Variants in IGLON5 observed in about 807,000 individuals in gnomAD.
IGLON5 encodes the protein Ig-like domain-containing protein ENSP00000270642.
In IGLON5, 16 loss-of-function variants were observed where a neutral mutation model predicts 38.2. That is an observed-to-expected ratio of 0.42 (90% CI 0.28 to 0.64). The LOEUF (loss-of-function observed/expected upper bound fraction) is 0.64, where lower values mean the gene tolerates loss of function less well. Among genes scored for constraint, IGLON5 ranks in the 30% least tolerant of loss-of-function variants. The pLI is 0.23. For synonymous variants in IGLON5, 207 were observed against 216.4 expected (o/e 0.96, Z 0.38); for missense variants, 366 against 483.4 (o/e 0.76, Z 2.28).
rs774211386 is a variant in IGLON5 at position 51,323,930 on chromosome 19, G to A, written c.391+36G>A. 2.0e-5 allele frequency: 29 copies of A among 1,455,878 alleles called. No individual in the cohort carries two copies. The East Asian group carries it at 6.4e-4, about 32-fold the overall frequency. 90.2% of individuals were successfully genotyped at this position (1,455,878 alleles called of 1,614,324 possible). A position where few individuals can be genotyped will look rare whatever the true frequency, so the allele number is the denominator to read the frequency against. On this transcript the variant is annotated intron_variant, in intron 3 of 7. Transcript: ENST00000270642. The stretch of plus-strand genomic sequence containing the variant: ...GGCCGGGGCCTGGCTGGGTGGAGGG[G>A]TTGAGAGCGTGGGGGAGACTAGGCA...
intron 1 of IGLON5, among the ~76,000 whole-genome samples, chr19:51,316,192 A>T (rs1289274950): frequency 6.6e-6 from 1 of 151,484 alleles, no homozygotes; most frequent in African/African-American, 2.4e-5. Context: ...CAAAAAAAAA[A>T]AAAAAAGCCA....
At chr19:51,312,158 C>T (rs2123506441) in intron 1 of IGLON5, among the ~76,000 whole-genome samples, 1 of 152,176 alleles carries the variant, frequency 6.6e-6, no homozygotes, top group African/African-American at 2.4e-5. Flanking sequence ...GGGCCGGAGC[C>T]GGGTCTAGGG....
chr19:51,316,498 C>CT (rs542147400), intron 1 of IGLON5, among the ~76,000 whole-genome samples: 11,793 of 136,010 alleles, frequency 0.087, 711 homozygotes, highest in East Asian at 0.24. Flanking sequence ...CTTTTCTTTT[C>CT]TTTTTTTTTT....
chr19:51,319,207 G>T (rs545539385), intron 1 of IGLON5, among the ~76,000 whole-genome samples: 21 of 152,098 alleles, frequency 1.4e-4, no homozygotes, highest in Non-Finnish European at 2.9e-4. Flanking sequence ...AAGGGATCTT[G>T]GTGCGTACAT....
rs60865738 is a variant in IGLON5 at position 51,325,341 on chromosome 19, C to T, written c.392-5C>T. 0.15 allele frequency: 242,538 copies of T among 1,612,488 alleles called. 21,362 individuals are homozygous for T. Among genetic ancestry groups the T allele is most frequent in the Admixed American group, 0.39 (23,341 of 59,684 alleles). ...TCCATATTCAGCCTCTGCCGCTGCC[C>T]GCAGTCCCTGCCCGCATTGTGAACA... is the stretch of plus-strand genomic sequence containing the variant. On this transcript the variant is annotated splice_polypyrimidine_tract_variant and splice_region_variant and intron_variant, in intron 3 of 7. Transcript: ENST00000270642. This position sits in a 1 kb window ranked among gnomAD's most constrained non-coding sequence, Gnocchi z 5.5.
At chr19:51,321,692 ATGTG>A (rs1307554766) in intron 1 of IGLON5, among the ~76,000 whole-genome samples, 1 of 151,980 alleles carries the variant, frequency 6.6e-6, no homozygotes, top group African/African-American at 2.4e-5. Context: ...GTGTATCTGT[ATGTG>A]TGTGTTTGTG....
intron 1 of IGLON5, among the ~76,000 whole-genome samples, chr19:51,316,713 C>T (rs970643153): frequency 2.0e-5 from 3 of 151,970 alleles, no homozygotes; most frequent in Admixed American, 6.5e-5. Context: ...AGGCTAGTCT[C>T]GAACTCCTGA....
intron 1 of IGLON5, among the ~76,000 whole-genome samples, chr19:51,320,715 T>C (rs1317793850): frequency 6.6e-6 from 1 of 152,188 alleles, no homozygotes; most frequent in Non-Finnish European, 1.5e-5. Flanking sequence ...GTGATGGATG[T>C]GTGTCTGAGA....
intron 1 of IGLON5, among the ~76,000 whole-genome samples, chr19:51,314,835 T>G (rs1036562592): frequency 2.6e-5 from 4 of 152,344 alleles, no homozygotes; most frequent in African/African-American, 9.6e-5. Context: ...AACCCCATTG[T>G]GCTCCTGCCC....
chr19:51,311,952 C>T (rs1984775216), intron 1 of IGLON5, 26 bp downstream of exon 1: 1 of 1,251,768 alleles, frequency 8.0e-7, no homozygotes, highest in Non-Finnish European at 1.0e-6. Flanking sequence ...GGGCGGGGGG[C>T]TCGGCCGGGA....
At chr19:51,317,143 C>T (rs1052701923) in intron 1 of IGLON5, among the ~76,000 whole-genome samples, 6 of 152,164 alleles carry the variant, frequency 3.9e-5, no homozygotes, top group African/African-American at 1.4e-4. Context: ...AGTCACCTGC[C>T]TACCACCTTC....
rs544928979 is a variant in IGLON5 at position 51,327,850 on chromosome 19, C to G, written c.886C>G (p.Arg296Gly). 1.9e-6 allele frequency: 3 copies of G among 1,542,510 alleles called. No homozygotes were observed. The highest frequency in any genetic ancestry group is 2.6e-6 in the Non-Finnish European group (3 of 1,143,306). The part of the protein sequence containing the change: ...YGNYTCRAAN[R>G]LGASSASMRL... Reference sequence around the variant, plus strand: ...CAACTATACGTGTCGCGCCGCCAACCGACTGGGAGCGTCCAGCGCCTCCAT... The same window carrying G: ...CAACTATACGTGTCGCGCCGCCAACGGACTGGGAGCGTCCAGCGCCTCCAT... The change falls in exon 7 of 8, where the codon CGA becomes GGA. Residue 296 changes from arginine to glycine, a missense_variant. Coordinates refer to ENST00000270642, the MANE Select transcript of IGLON5 (RefSeq NM_001101372.3). The surrounding 1 kb of genome is among the most constrained non-coding windows in gnomAD (Gnocchi z 7.1).
intron 1 of IGLON5, among the ~76,000 whole-genome samples, chr19:51,321,567 ATC>A (rs34249370): frequency 0.11 from 16,090 of 152,050 alleles, 972 homozygotes; most frequent in East Asian, 0.27. Context: ...GTACACAGGT[ATC>A]TGTGTCTGTG....
chr19:51,316,325 A>C, intron 1 of IGLON5, among the ~76,000 whole-genome samples: 1 of 145,290 alleles, frequency 6.9e-6, no homozygotes, highest in African/African-American at 2.6e-5. Context: ...AGCCTGGGTG[A>C]CACAGTGGTA....
chr19:51,315,857 G>C lies in IGLON5; in HGVS notation c.79+3931G>C, dbSNP rs528140479. ...ACTACAGGCGCCCACCACCACGCCT[G>C]GCTAATTTTTTGTATTTTTAGTAGA... On this transcript the variant is annotated intron_variant, in intron 1 of 7. Transcript: ENST00000270642. Among the ~76,000 whole-genome samples the C allele has an allele frequency of 2.6e-5, 4 of 151,888 alleles. No homozygotes were observed. The East Asian group carries it at 7.8e-4, about 30-fold the overall frequency.
At position 51,324,299 on chromosome 19, in the gene IGLON5, C is replaced by A. The variant is rs138568231; in HGVS notation, c.391+405C>A. Among the ~76,000 whole-genome samples, 351 of 152,276 alleles carry A rather than the reference C, an allele frequency of 2.3e-3. No individual in the cohort carries two copies. Among genetic ancestry groups the A allele is most frequent in the African/African-American group, 8.0e-3 (334 of 41,558 alleles). The stretch of plus-strand genomic sequence containing the variant: ...GTCTGAGCTGACGCCTTTGGCTGGG[C>A]ACAGGGCTAAGACCGGAAAAGAAAC... On this transcript the variant is annotated intron_variant, in intron 3 of 7. Transcript: ENST00000270642. The surrounding 1 kb of genome is among the most constrained non-coding windows in gnomAD (Gnocchi z 4.2).
At chr19:51,328,425 T>C (rs1172233914) in intron 7 of IGLON5, among the ~76,000 whole-genome samples, 1 of 150,310 alleles carries the variant, frequency 6.7e-6, no homozygotes, top group Non-Finnish European at 1.5e-5. Flanking sequence ...GGCAAGAGGA[T>C]TGCTTGAACC....
At chr19:51,321,654 A>G (rs1568458347) in intron 1 of IGLON5, among the ~76,000 whole-genome samples, 1 of 152,038 alleles carries the variant, frequency 6.6e-6, no homozygotes, top group Non-Finnish European at 1.5e-5. Context: ...CTCTGTATAT[A>G]TATGTGTCTG....
chr19:51,323,746 C>T lies in IGLON5; in HGVS notation c.243C>T (p.Ser81=), dbSNP rs775852241. ...ILYAGNDRWT[S]DPRVRLLINT... Reference sequence around the variant, plus strand: ...ATGCCGGCAATGACCGCTGGACCAGCGACCCGCGGGTGCGGCTGCTCATCA... The same window carrying T: ...ATGCCGGCAATGACCGCTGGACCAGTGACCCGCGGGTGCGGCTGCTCATCA... The change falls in exon 3 of 8, where the codon AGC becomes AGT. Residue 81 remains serine (S), a synonymous_variant. Transcript: ENST00000270642. 8.7e-6 allele frequency: 14 copies of T among 1,613,862 alleles called. No individual in the cohort carries two copies. Among genetic ancestry groups the T allele is most frequent in the South Asian group, 2.2e-5 (2 of 91,086 alleles).
Sources: allele counts gnomAD v4.1 joint callset (sites outside exome capture counted in the v4.1 genomes callset), GRCh38; gene constraint gnomAD v4.1.1; non-coding constraint Gnocchi (gnomAD v3.1); transcripts MANE v1.5; gene names NCBI Gene and HGNC (gene_info 2026-07-23, HGNC 2026-07-21).